Variants in CDC42BPA observed in about 807,000 individuals in gnomAD.
CDC42BPA encodes CDC42 binding protein kinase alpha, also known as serine/threonine-protein kinase MRCK alpha.
In CDC42BPA, 80 loss-of-function variants were observed where a neutral mutation model predicts 223.5. That is an observed-to-expected ratio of 0.36 (90% CI 0.30 to 0.43). CDC42BPA has a LOEUF of 0.43. Among genes scored for constraint, CDC42BPA ranks in the 20% least tolerant of loss-of-function variants. CDC42BPA has a pLI of 1.00. For synonymous variants in CDC42BPA, 694 were observed against 718.6 expected (o/e 0.97, Z 0.55); for missense variants, 1,743 against 2,099.9 (o/e 0.83, Z 3.32).
chr1:226,998,483 T>C (rs1044950745), intron 35 of CDC42BPA, among the ~76,000 whole-genome samples: 1 of 152,092 alleles, frequency 6.6e-6, no homozygotes, highest in African/African-American at 2.4e-5. Context: ...GCCTCAGAAG[T>C]AATGCCACGT....
At chr1:227,179,452 T>C (rs373426208) in intron 5 of CDC42BPA, among the ~76,000 whole-genome samples, 5 of 151,510 alleles carry the variant, frequency 3.3e-5, no homozygotes, top group East Asian at 3.9e-4. Flanking sequence ...CTGGCTAACA[T>C]GGTGAAACTC....
chr1:227,080,822 A>T, intron 17 of CDC42BPA, 71 bp downstream of exon 17: 3 of 1,549,848 alleles, frequency 1.9e-6, no homozygotes, highest in Non-Finnish European at 2.7e-6. Context: ...ATTAGTAGCC[A>T]CCTGGAATTC....
At chr1:227,265,961 A>T (rs1316041305) in intron 1 of CDC42BPA, among the ~76,000 whole-genome samples, 1 of 152,178 alleles carries the variant, frequency 6.6e-6, no homozygotes, top group East Asian at 1.9e-4. Context: ...AATTCCGGGG[A>T]TTAAGTCCGC....
intron 16 of CDC42BPA, 93 bp downstream of exon 16, chr1:227,091,793 A>G: frequency 4.9e-6 from 3 of 615,754 alleles, no homozygotes. Flanking sequence ...TTAAACAAAA[A>G]TGTATGTCAA....
chr1:227,283,886 T>C (rs1388590912), intron 1 of CDC42BPA, among the ~76,000 whole-genome samples: 1 of 152,132 alleles, frequency 6.6e-6, no homozygotes, highest in Non-Finnish European at 1.5e-5. Context: ...GATTTTGCCA[T>C]GTTGGCCGGG....
chr1:227,101,108 A>C lies in CDC42BPA; in HGVS notation c.2133T>G (p.His711Gln). The C allele has an allele frequency of 6.3e-7, 1 of 1,576,040 alleles. No individual in the cohort carries two copies. Among genetic ancestry groups the C allele is most frequent in the Non-Finnish European group, 8.7e-7 (1 of 1,146,136 alleles). The change falls in exon 15 of 37, where the codon CAT (histidine) becomes CAG (glutamine). Residue 711 changes from histidine (H) to glutamine (Q), a missense_variant. Around this residue, in one of 6 missense-constraint regions of CDC42BPA, gnomAD observed 464 missense variants for 488.0 expected, o/e 0.95. Coordinates refer to ENST00000366766, the MANE Select transcript of CDC42BPA (RefSeq NM_001394014.1). ...TCTTAAGATTTTTTATTTCATTTGCATGTATTCCTTCTCTTTTAGATAATT... is the reference window on the plus strand; with the variant it reads ...TCTTAAGATTTTTTATTTCATTTGCCTGTATTCCTTCTCTTTTAGATAATT... ...EEELSKREGI[H>Q]ANEIKNLKKE...
At chr1:227,188,097 A>G (rs187171147) in intron 5 of CDC42BPA, among the ~76,000 whole-genome samples, 3 of 152,280 alleles carry the variant, frequency 2.0e-5, no homozygotes, top group Admixed American at 6.5e-5. Flanking sequence ...TGAATAAGTG[A>G]AGGTAAAATA....
In CDC42BPA at chr1:227,072,201, C is replaced by T; in HGVS notation, c.2827+7G>A. ...GTCCTGAGTGAGGCAAACACACACT[C>T]CCATACCCTTTTCAGATCTAAGCTC... is the stretch of plus-strand genomic sequence containing the variant. On this transcript the variant is annotated splice_region_variant and intron_variant, in intron 20 of 36. Coordinates refer to ENST00000366766, the MANE Select transcript of CDC42BPA (RefSeq NM_001394014.1). The T allele has an allele frequency of 6.5e-7, 1 of 1,549,588 alleles. No homozygotes were observed. Among genetic ancestry groups the T allele is most frequent in the Non-Finnish European group, 8.9e-7 (1 of 1,124,572 alleles).
chr1:227,294,426 T>C (rs1166833976), intron 1 of CDC42BPA, among the ~76,000 whole-genome samples: 1 of 152,028 alleles, frequency 6.6e-6, no homozygotes, highest in East Asian at 1.9e-4. Flanking sequence ...ATAACTAACA[T>C]TCATTGAGGG....
intron 15 of CDC42BPA, among the ~76,000 whole-genome samples, chr1:227,097,671 C>T (rs1357615936): frequency 6.6e-6 from 1 of 152,192 alleles, no homozygotes; most frequent in Admixed American, 6.5e-5. Context: ...CTCAAGCATG[C>T]ACACTAAGAG....
intron 15 of CDC42BPA, among the ~76,000 whole-genome samples, chr1:227,100,126 T>A (rs1384193926): frequency 6.6e-6 from 1 of 152,124 alleles, no homozygotes; most frequent in Non-Finnish European, 1.5e-5. Flanking sequence ...AACTGATAAT[T>A]TCTCCTGCTC....
intron 1 of CDC42BPA, among the ~76,000 whole-genome samples, chr1:227,310,848 G>A (rs903604909): frequency 1.5e-5 from 2 of 135,546 alleles, no homozygotes; most frequent in Non-Finnish European, 3.2e-5. Context: ...CACCGCGCCC[G>A]GCTAATTTTT....
chr1:226,993,171 A>AC lies in CDC42BPA; in HGVS notation c.*1096dup, dbSNP rs1660958376. 1 of 152,266 alleles carries AC rather than the reference A, an allele frequency of 6.6e-6. No individual in the cohort carries two copies. The highest frequency in any genetic ancestry group is 1.5e-5 in the Non-Finnish European group (1 of 68,054). The allele number at this position is 152,266 out of a possible 1,614,324, so 9.4% of individuals were successfully genotyped here. On this transcript the variant is annotated 3_prime_UTR_variant, in exon 37 of 37. Transcript: ENST00000366766. ...ACACCTCGCTGTGACTTAGGGAGGG[A>AC]CAGGATTAGCCCAGGAATAAAAGCA... is the stretch of plus-strand genomic sequence containing the variant.
At chr1:227,103,283 T>C (rs973233463) in intron 14 of CDC42BPA, among the ~76,000 whole-genome samples, 2 of 151,976 alleles carry the variant, frequency 1.3e-5, no homozygotes, top group African/African-American at 2.4e-5. Context: ...AGTAAAGCAA[T>C]AGCATATAAG....
In CDC42BPA at chr1:227,005,041, C is replaced by T. The variant is rs768760090; in HGVS notation, c.4928G>A (p.Arg1643His). Residue 1643 changes from arginine (R) to histidine (H), a missense_variant, in exon 35 of 37, where the codon CGC becomes CAC. Arg to His is a conservative substitution (Grantham distance 29). Transcript: ENST00000366766. The part of the protein sequence containing the change: ...SVSIPSITKS[R>H]PEPGRSMSAS... ...ACTCATGGAGCGGCCTGGCTCAGGG[C>T]GGGATTTGGTGATAGATGGAATACT... 1.2e-5 allele frequency: 20 copies of T among 1,613,956 alleles called. No individual in the cohort carries two copies. The highest frequency in any genetic ancestry group is 8.0e-5 in the African/African-American group (6 of 74,888).
chr1:227,268,274 T>C (rs1033835795), intron 1 of CDC42BPA, among the ~76,000 whole-genome samples: 2 of 152,150 alleles, frequency 1.3e-5, no homozygotes, highest in African/African-American at 2.4e-5. Context: ...AAGGGCTGAG[T>C]TGAATAGCTG....
At chr1:227,024,136 T>G (rs1448996826) in intron 31 of CDC42BPA, among the ~76,000 whole-genome samples, 1 of 152,134 alleles carries the variant, frequency 6.6e-6, no homozygotes, top group Non-Finnish European at 1.5e-5. Flanking sequence ...AAGAAAAATA[T>G]GGCCAATCCA....
chr1:227,119,615 C>G (rs1688311333), intron 12 of CDC42BPA, among the ~76,000 whole-genome samples, 189 bp downstream of exon 12: 1 of 152,022 alleles, frequency 6.6e-6, no homozygotes, highest in Admixed American at 6.5e-5. Context: ...CAAGCTTCAA[C>G]AAAGTTTCTT....
At chr1:227,117,640 T>C (rs1241439239) in intron 12 of CDC42BPA, among the ~76,000 whole-genome samples, 2 of 152,156 alleles carry the variant, frequency 1.3e-5, no homozygotes. Context: ...TTAATCAAAA[T>C]TCCATCTTCA....
Sources: gnomAD v4.1 joint callset for allele counts (sites outside exome capture counted in the v4.1 genomes callset) on GRCh38, gnomAD v4.1.1 for gene constraint, gnomAD v4.1.1 regional missense constraint, MANE v1.5 for transcripts, NCBI Gene and HGNC (gene_info 2026-07-23, HGNC 2026-07-21) for gene names.